RBFOX1: variants seen among roughly 807,000 people sequenced by gnomAD.
RBFOX1 encodes the protein RNA binding protein fox-1 homolog 1.
Under a neutral mutation model 57.7 loss-of-function variants are expected in RBFOX1, and 8 were observed. The observed-to-expected ratio is 0.14, with a 90% CI of 0.08 to 0.25. RBFOX1 has a LOEUF of 0.25. RBFOX1 is among the 10% of genes least tolerant of loss of function. The pLI, the probability that RBFOX1 is intolerant of heterozygous loss-of-function variation, is 1.00. For missense variants in RBFOX1, 611 were observed against 548.5 expected (o/e 1.11, Z -1.14); for synonymous variants, 326 against 222.4 (o/e 1.47, Z -4.15).
intron 4 of RBFOX1, among the ~76,000 whole-genome samples, chr16:7,241,787 C>G (rs1037640416): frequency 1.3e-5 from 2 of 151,704 alleles, no homozygotes; most frequent in Non-Finnish European, 2.9e-5. Context: ...CTCTTTCAAT[C>G]TGTCTATAAA....
chr16:7,503,548 A>C (rs1046946332), intron 4 of RBFOX1, among the ~76,000 whole-genome samples: 50 of 152,184 alleles, frequency 3.3e-4, no homozygotes, highest in African/African-American at 1.2e-3. Flanking sequence ...CAATGGCACA[A>C]GTCATCTAAA....
At chr16:6,513,601 G>A (rs958744577) in intron 2 of RBFOX1, among the ~76,000 whole-genome samples, 2 of 152,134 alleles carry the variant, frequency 1.3e-5, no homozygotes, top group Non-Finnish European at 2.9e-5. Context: ...GGGCAGGGTG[G>A]CACACGCCTG....
At chr16:6,509,347 T>A (rs1358441303) in intron 2 of RBFOX1, among the ~76,000 whole-genome samples, 1 of 152,210 alleles carries the variant, frequency 6.6e-6, no homozygotes, top group African/African-American at 2.4e-5. Flanking sequence ...GGACTACTAT[T>A]CAGCTATAAA....
intron 2 of RBFOX1, among the ~76,000 whole-genome samples, chr16:6,601,375 A>G (rs561970070): frequency 6.6e-6 from 1 of 152,284 alleles, no homozygotes; most frequent in African/African-American, 2.4e-5. Context: ...ATGGAGATGA[A>G]GGTGAGAGTT....
intron 14 of RBFOX1, among the ~76,000 whole-genome samples, chr16:7,677,846 C>A (rs931807649): frequency 6.6e-6 from 1 of 152,112 alleles, no homozygotes; most frequent in African/African-American, 2.4e-5. Flanking sequence ...GTATTTGACT[C>A]CTGAATGGGA....
intron 4 of RBFOX1, among the ~76,000 whole-genome samples, chr16:5,995,245 C>T (rs1596366128): frequency 1.3e-5 from 2 of 152,298 alleles, no homozygotes; most frequent in African/African-American, 4.8e-5. Flanking sequence ...TGTGGGAAAG[C>T]ATTTGCGTTG....
intron 11 of RBFOX1, among the ~76,000 whole-genome samples, chr16:7,638,536 C>G (rs146774793): frequency 1.3e-4 from 20 of 152,324 alleles, no homozygotes; most frequent in African/African-American, 4.8e-4. Flanking sequence ...GCTGTGCTGT[C>G]TCCTCCCCAT....
chr16:7,319,441 A>T (rs2096503515), intron 4 of RBFOX1, among the ~76,000 whole-genome samples: 1 of 152,238 alleles, frequency 6.6e-6, no homozygotes, highest in African/African-American at 2.4e-5. Flanking sequence ...TTATTTAAAA[A>T]GAAGACGTGG....
intron 2 of RBFOX1, among the ~76,000 whole-genome samples, chr16:6,517,150 G>A (rs1378483848): frequency 1.3e-5 from 2 of 152,100 alleles, no homozygotes; most frequent in Non-Finnish European, 2.9e-5. Flanking sequence ...CCCAGTACAT[G>A]CTGGTTCCTA....
In RBFOX1 at chr16:6,290,662, G is replaced by A. The variant is rs113778659; in HGVS notation, c.-126-26333G>A. On this transcript the variant is annotated intron_variant, in intron 1 of 15. Coordinates refer to ENST00000550418, the MANE Select transcript of RBFOX1 (RefSeq NM_018723.4). ...ACATGGGCGAAAAAGGAAATTTTAC[G>A]TATCAGGTGTTCAGTGAATATTGGA... is the stretch of plus-strand genomic sequence containing the variant. 2.3e-3 allele frequency among the ~76,000 whole-genome samples: 349 copies of A among 152,280 alleles called. 3 individuals carry two copies. The highest frequency in any genetic ancestry group is 6.8e-3 in the African/African-American group (284 of 41,554).
At chr16:6,558,150 C>T (rs1392822334) in intron 2 of RBFOX1, among the ~76,000 whole-genome samples, 2 of 152,036 alleles carry the variant, frequency 1.3e-5, no homozygotes, top group African/African-American at 2.4e-5. Context: ...ATATCGGTTG[C>T]CCAGAAGCCT....
intron 4 of RBFOX1, chr16:7,126,295 A>T (rs567429489): frequency 1.9e-4 from 62 of 320,204 alleles, no homozygotes; most frequent in African/African-American, 1.4e-3. Context: ...TCAGCTCCTT[A>T]CATGGGCTTT....
chr16:7,256,630 AT>A (rs1247931540), intron 4 of RBFOX1, among the ~76,000 whole-genome samples: 1 of 152,122 alleles, frequency 6.6e-6, no homozygotes, highest in African/African-American at 2.4e-5. Flanking sequence ...CCAAAGTCAT[AT>A]CTAAAATTTC....
At position 6,636,465 on chromosome 16, in the gene RBFOX1, C is replaced by T. The variant is rs370962661; in HGVS notation, c.-63-18138C>T. On this transcript the variant is annotated intron_variant, in intron 2 of 15. Transcript: ENST00000550418. ...GATTACAGGCGTGAGCCACCGCACC[C>T]GGCTGGATTTTGGATTTTTAGATTG... Among the ~76,000 whole-genome samples, 20 of 152,052 alleles carry T rather than the reference C, an allele frequency of 1.3e-4. No individual in the cohort carries two copies. In the East Asian group the frequency reaches 1.4e-3, roughly 10 times the overall value.
chr16:7,394,626 G>C (rs1277480998), intron 4 of RBFOX1, among the ~76,000 whole-genome samples: 1 of 152,106 alleles, frequency 6.6e-6, no homozygotes, highest in Non-Finnish European at 1.5e-5. Flanking sequence ...TGCCACTACA[G>C]TGTCTGGATT....
At chr16:7,709,257 C>T (rs1348958224) in intron 15 of RBFOX1, 126 bp downstream of exon 15, 1 of 1,026,192 alleles carries the variant, frequency 9.7e-7, no homozygotes, top group Non-Finnish European at 1.4e-6. Flanking sequence ...GTGCTAACAG[C>T]AGCTAAAATG....
intron 2 of RBFOX1, among the ~76,000 whole-genome samples, chr16:6,638,901 A>C (rs1356085626): frequency 6.6e-6 from 1 of 152,194 alleles, no homozygotes; most frequent in Non-Finnish European, 1.5e-5. Context: ...GGAAAGAACC[A>C]GTATTCATTT....
intron 5 of RBFOX1, among the ~76,000 whole-genome samples, chr16:7,573,801 C>G (rs2093036661): frequency 6.6e-6 from 1 of 151,632 alleles, no homozygotes; most frequent in Non-Finnish European, 1.5e-5. Flanking sequence ...TGCCACTAGA[C>G]TCCAGCCTGG....
At chr16:7,281,880 AG>A (rs1369342870) in intron 4 of RBFOX1, among the ~76,000 whole-genome samples, 1 of 151,724 alleles carries the variant, frequency 6.6e-6, no homozygotes, top group Non-Finnish European at 1.5e-5. Context: ...TTCTTTTCCT[AG>A]AAAAGGTCTT....
Sources: allele counts gnomAD v4.1 joint callset (sites outside exome capture counted in the v4.1 genomes callset), GRCh38; gene constraint gnomAD v4.1.1; transcripts MANE v1.5; gene names NCBI Gene and HGNC (gene_info 2026-07-23, HGNC 2026-07-21).